FSTL5: variants seen among roughly 807,000 people sequenced by gnomAD.
FSTL5 encodes the protein follistatin like 5.
Under a neutral mutation model 89.1 loss-of-function variants are expected in FSTL5, and 62 were observed. That is an observed-to-expected ratio of 0.70 (90% CI 0.57 to 0.86). The LOEUF (loss-of-function observed/expected upper bound fraction) is 0.86. FSTL5 is among the 40% of genes least tolerant of loss of function. The pLI, the probability that FSTL5 is intolerant of heterozygous loss-of-function variation, is 0.00. For missense variants in FSTL5, 1,057 were observed against 1,001.6 expected (o/e 1.06, Z -0.75); for synonymous variants, 383 against 346.2 (o/e 1.11, Z -1.18).
intron 6 of FSTL5, among the ~76,000 whole-genome samples, chr4:161,684,441 G>GT (rs1389260722): frequency 6.6e-6 from 1 of 151,846 alleles, no homozygotes; most frequent in Non-Finnish European, 1.5e-5. Context: ...AACATCTATT[G>GT]TTTTTTGATT....
chr4:161,613,927 C>T (rs72687587), intron 7 of FSTL5, among the ~76,000 whole-genome samples: 1,854 of 149,612 alleles, frequency 0.012, 17 homozygotes, highest in Non-Finnish European at 0.019. Flanking sequence ...ACATCACTGA[C>T]GAAATCATGT....
chr4:161,640,643 A>G (rs908477760), intron 7 of FSTL5, among the ~76,000 whole-genome samples: 1 of 152,234 alleles, frequency 6.6e-6, no homozygotes, highest in Non-Finnish European at 1.5e-5. Context: ...ATGATTGAAC[A>G]AAAGTGAACC....
chr4:161,465,773 T>C (rs931215828), intron 13 of FSTL5, among the ~76,000 whole-genome samples: 2 of 152,228 alleles, frequency 1.3e-5, no homozygotes, highest in Non-Finnish European at 2.9e-5. Context: ...CTTCCAATTA[T>C]ATATTGGAAA....
intron 11 of FSTL5, among the ~76,000 whole-genome samples, chr4:161,506,943 TA>T (rs1730502206): frequency 6.6e-6 from 1 of 152,138 alleles, no homozygotes; most frequent in Non-Finnish European, 1.5e-5. Context: ...TTAGAAAGAA[TA>T]AAAAAGGCAA....
intron 7 of FSTL5, among the ~76,000 whole-genome samples, chr4:161,639,047 G>C (rs1336482430): frequency 3.3e-5 from 5 of 151,570 alleles, no homozygotes; most frequent in African/African-American, 1.2e-4. Context: ...ATATCATACT[G>C]AATGGGCAAA....
At chr4:161,525,879 C>G (rs1376676655) in intron 10 of FSTL5, among the ~76,000 whole-genome samples, 5 of 151,996 alleles carry the variant, frequency 3.3e-5, no homozygotes, top group Non-Finnish European at 7.4e-5. Context: ...TTAGGTATTT[C>G]TCTACTATTT....
chr4:161,852,269 T>C (rs1202084961), intron 4 of FSTL5, among the ~76,000 whole-genome samples: 1 of 152,014 alleles, frequency 6.6e-6, no homozygotes, highest in Non-Finnish European at 1.5e-5. Context: ...AATAGCATAT[T>C]TAAAAATGAT....
intron 4 of FSTL5, among the ~76,000 whole-genome samples, chr4:161,812,435 T>C (rs1355044011): frequency 6.6e-6 from 1 of 152,116 alleles, no homozygotes; most frequent in Non-Finnish European, 1.5e-5. Flanking sequence ...AGAAATCCCA[T>C]CTCTGCCATT....
intron 10 of FSTL5, among the ~76,000 whole-genome samples, chr4:161,536,696 T>C (rs1456090128): frequency 6.6e-6 from 1 of 152,182 alleles, no homozygotes; most frequent in African/African-American, 2.4e-5. Context: ...TTCCTAGAAT[T>C]CACACACTAA....
chr4:161,636,454 T>C (rs1488773333), intron 7 of FSTL5, among the ~76,000 whole-genome samples: 3 of 92,486 alleles, frequency 3.2e-5, no homozygotes, highest in Admixed American at 1.1e-4. Flanking sequence ...TTGTTTTTTT[T>C]TTTTTCTTTT....
At position 161,915,722 on chromosome 4, in the gene FSTL5, T is replaced by C. The variant is rs60114905; in HGVS notation, c.409+4682A>G. On this transcript the variant is annotated intron_variant, in intron 4 of 15. Transcript: ENST00000306100. ...TCTACATTTCTTATTGTCCAAATTATGTATTTCATCATCAACATGCAGTTT... is the reference window on the plus strand; with the variant it reads ...TCTACATTTCTTATTGTCCAAATTACGTATTTCATCATCAACATGCAGTTT... Among the ~76,000 whole-genome samples, 395 of 152,258 alleles carry C rather than the reference T, an allele frequency of 2.6e-3. 3 individuals are homozygous for C. The highest frequency in any genetic ancestry group is 8.8e-3 in the African/African-American group (366 of 41,574).
intron 6 of FSTL5, among the ~76,000 whole-genome samples, chr4:161,748,488 T>A (rs1740278800): frequency 6.6e-6 from 1 of 152,078 alleles, no homozygotes; most frequent in African/African-American, 2.4e-5. Context: ...GAGCTATTTG[T>A]AAAACTTCAA....
chr4:161,680,092 T>C (rs1296454048), intron 6 of FSTL5, among the ~76,000 whole-genome samples: 1 of 151,906 alleles, frequency 6.6e-6, no homozygotes, highest in Non-Finnish European at 1.5e-5. Flanking sequence ...ACCAAGATAA[T>C]TGAAAGATAC....
At chr4:161,392,598 T>C (rs1043743982) in intron 15 of FSTL5, among the ~76,000 whole-genome samples, 2 of 152,126 alleles carry the variant, frequency 1.3e-5, no homozygotes, top group Non-Finnish European at 2.9e-5. Flanking sequence ...TTTCAGGAGA[T>C]TAAGAGCTTA....
At position 161,968,934 on chromosome 4, in the gene FSTL5, T is replaced by TACACACACACAC. The variant is rs147433060; in HGVS notation, c.161-48294_161-48283dup. On this transcript the variant is annotated intron_variant, in intron 3 of 15. Transcript: ENST00000306100. ...GCTACTACCACCCAAGACACAGACA[T>TACACACACACAC]ACACACACACACACACACACACACA... Among the ~76,000 whole-genome samples, 715 of 140,230 alleles carry TACACACACACAC rather than the reference T, an allele frequency of 5.1e-3. 36 individuals are homozygous for TACACACACACAC. The East Asian group carries it at 0.13, about 25-fold the overall frequency. The allele number at this position is 140,230 out of a possible 152,430, so 92.0% of individuals were successfully genotyped here. A position where few individuals can be genotyped will look rare whatever the true frequency, so the allele number is the denominator to read the frequency against.
chr4:161,760,148 A>T (rs1314861846), intron 5 of FSTL5, among the ~76,000 whole-genome samples: 1 of 152,170 alleles, frequency 6.6e-6, no homozygotes. Flanking sequence ...TGATGATGAA[A>T]ATCTATCCAG....
At chr4:161,443,327 A>T (rs1363558896) in intron 15 of FSTL5, among the ~76,000 whole-genome samples, 1 of 152,022 alleles carries the variant, frequency 6.6e-6, no homozygotes, top group South Asian at 2.1e-4. Flanking sequence ...GCAAAGAGGG[A>T]GGGTGATTCC....
intron 15 of FSTL5, among the ~76,000 whole-genome samples, chr4:161,416,713 C>T (rs1371338181): frequency 4.0e-5 from 6 of 151,692 alleles, no homozygotes; most frequent in South Asian, 2.1e-4. Context: ...GGTGTGGTGG[C>T]GGGCGCCTGT....
intron 15 of FSTL5, among the ~76,000 whole-genome samples, chr4:161,409,463 C>A (rs375707216): frequency 2.6e-5 from 4 of 152,094 alleles, no homozygotes; most frequent in African/African-American, 9.6e-5. Flanking sequence ...CCCACTACAA[C>A]CTCTGCCTCC....
Sources: allele counts gnomAD v4.1 joint callset (sites outside exome capture counted in the v4.1 genomes callset), GRCh38; gene constraint gnomAD v4.1.1; transcripts MANE v1.5; gene names NCBI Gene and HGNC (gene_info 2026-07-23, HGNC 2026-07-21).